Variants in TENM1 observed in about 807,000 individuals in gnomAD.
TENM1 encodes teneurin transmembrane protein 1, also known as teneurin-1.
Under a neutral mutation model 174.8 loss-of-function variants are expected in TENM1, and 35 were observed. That is an observed-to-expected ratio of 0.20 (90% confidence interval 0.15 to 0.27). The LOEUF (loss-of-function observed/expected upper bound fraction) is 0.27, where lower values mean the gene tolerates loss of function less well. Among genes scored for constraint, TENM1 ranks in the 10% least tolerant of loss-of-function variants. TENM1 has a pLI of 1.00. For missense variants in TENM1, 1,633 were observed against 2,130.1 expected, an observed-to-expected ratio of 0.77 and a Z score of 4.59; for synonymous variants, 781 against 798.7, an observed-to-expected ratio of 0.98 and a Z score of 0.37.
At chrX:124,578,015 T>A (rs2148205402) in intron 11 of TENM1, among the ~76,000 whole-genome samples, 1 of 108,269 alleles carries the variant, frequency 9.2e-6, no homozygotes, top group East Asian at 2.9e-4. Context: ...GGCGTTAACC[T>A]CTCAGGCTCA....
At chrX:124,397,235 A>G (rs760006078) in intron 27 of TENM1, among the ~76,000 whole-genome samples, 1 of 112,268 alleles carries the variant, frequency 8.9e-6, no homozygotes, top group Admixed American at 9.3e-5. Context: ...TGTTCAAGAG[A>G]AAATCCTTTC....
chrX:124,656,487 C>T (rs1203575451), intron 6 of TENM1, among the ~76,000 whole-genome samples: 2 of 112,068 alleles, frequency 1.8e-5, no homozygotes, highest in Admixed American at 9.5e-5. Context: ...TGACAACATA[C>T]GAATGAGCAC....
At chrX:124,999,049 C>CA in the TENM1 span, among the ~76,000 whole-genome samples, 1 of 110,831 alleles carries the variant, frequency 9.0e-6, no homozygotes, top group African/African-American at 3.3e-5. Context: ...CATTTGGGAA[C>CA]AAAAACATGA....
chrX:124,552,121 T>C (rs2048587185), intron 14 of TENM1, among the ~76,000 whole-genome samples: 1 of 111,948 alleles, frequency 8.9e-6, no homozygotes, highest in Non-Finnish European at 1.9e-5. Flanking sequence ...TGGACAGGGG[T>C]TGGATTTAAG....
intron 22 of TENM1, among the ~76,000 whole-genome samples, chrX:124,458,150 T>C (rs1470266516): frequency 1.8e-5 from 2 of 112,138 alleles, no homozygotes; most frequent in Non-Finnish European, 3.8e-5. Flanking sequence ...TTCATGTGCA[T>C]TCCAATTCTC....
intron 10 of TENM1, among the ~76,000 whole-genome samples, chrX:124,643,383 A>T (rs2051067366): frequency 9.0e-6 from 1 of 110,879 alleles, no homozygotes; most frequent in African/African-American, 3.3e-5. Context: ...GAAGAAAAAA[A>T]GGGTGTGTTG....
In TENM1 at chrX:124,439,819, T is replaced by C. The variant is rs142529029; in HGVS notation, c.4104+13518A>G. Among the ~76,000 whole-genome samples the C allele has an allele frequency of 4.4e-4, 49 of 111,408 alleles. No homozygotes were observed. The East Asian group carries it at 0.014, about 31-fold the overall frequency. ...ATAATAATGATAAAATAATAATCTA[T>C]TGAACGCTTATGAGCCAAACACTTT... is the stretch of plus-strand genomic sequence containing the variant. On this transcript the variant is annotated intron_variant, in intron 23 of 31. Coordinates refer to ENST00000422452, the Ensembl canonical transcript of TENM1.
rs182932102 is a variant in TENM1, at chrX:124,916,772, C to T, written c.218-20531G>A. Among the ~76,000 whole-genome samples the T allele has an allele frequency of 3.7e-5, 4 of 106,792 alleles. No homozygotes were observed. The East Asian group carries it at 1.2e-3, about 31-fold the overall frequency. 92.7% of individuals were successfully genotyped at this position (106,792 alleles called of 115,157 possible). ...CTCATTATAAAATGGCGAGTTCACC[C>T]CCTTTCTCTCTCTCTCTCTCTCTCT... On this transcript the variant is annotated intron_variant, in intron 1 of 31. Coordinates refer to ENST00000422452, the Ensembl canonical transcript of TENM1.
chrX:125,201,025 T>C, the TENM1 span, among the ~76,000 whole-genome samples: 1 of 112,255 alleles, frequency 8.9e-6, no homozygotes, highest in African/African-American at 3.2e-5. Flanking sequence ...CTTCCAAGTT[T>C]TTAAGGCTGT....
At chrX:124,804,838 G>T (rs1169288914) in intron 3 of TENM1, among the ~76,000 whole-genome samples, 1 of 111,872 alleles carries the variant, frequency 8.9e-6, no homozygotes, top group Non-Finnish European at 1.9e-5. Context: ...TATCCTCAGT[G>T]TTATAAGAGG....
In TENM1 at chrX:124,653,800, A is replaced by G. The variant is rs923710116; in HGVS notation, c.1169-17T>C. On this transcript the variant is annotated splice_polypyrimidine_tract_variant and intron_variant, in intron 6 of 31. Coordinates refer to ENST00000422452, the Ensembl canonical transcript of TENM1. Reference sequence around the variant, plus strand: ...TCTGAAACACTAGTTTTAAAGGTAGAGAAAATTACACACCATGTTAATCTT... The same window carrying G: ...TCTGAAACACTAGTTTTAAAGGTAGGGAAAATTACACACCATGTTAATCTT... 5.6e-5 allele frequency: 64 copies of G among 1,144,197 alleles called. No homozygotes were observed. Among genetic ancestry groups the G allele is most frequent in the Non-Finnish European group, 7.5e-5 (63 of 838,813 alleles). The allele number at this position is 1,144,197 out of a possible 1,213,427, so 94.3% of individuals were successfully genotyped here.
chrX:125,161,332 G>C, the TENM1 span, among the ~76,000 whole-genome samples: 1 of 111,605 alleles, frequency 9.0e-6, no homozygotes, highest in East Asian at 2.8e-4. Context: ...GTTTTATACT[G>C]TATTAGTTTT....
chrX:125,195,790 A>C, the TENM1 span, among the ~76,000 whole-genome samples: 1 of 110,977 alleles, frequency 9.0e-6, no homozygotes, highest in Admixed American at 9.6e-5. Context: ...TGAAAAAAAT[A>C]TAAATAATAA....
At chrX:124,923,998 T>C (rs1007552523) in intron 1 of TENM1, among the ~76,000 whole-genome samples, 4 of 112,526 alleles carry the variant, frequency 3.6e-5, no homozygotes, top group Non-Finnish European at 7.5e-5. Flanking sequence ...TAAGTTGTTA[T>C]AGTGGCAATA....
At chrX:124,806,552 G>A (rs1019751291) in intron 3 of TENM1, among the ~76,000 whole-genome samples, 7 of 112,056 alleles carry the variant, frequency 6.2e-5, no homozygotes, top group African/African-American at 2.3e-4. Flanking sequence ...AATCCTGAAA[G>A]CAGTAAAAGA....
intron 11 of TENM1, among the ~76,000 whole-genome samples, chrX:124,603,078 T>C (rs1335751085): frequency 1.4e-5 from 1 of 71,787 alleles, no homozygotes; most frequent in African/African-American, 5.4e-5. Context: ...TAAGGAATGC[T>C]GCCAGCCACC....
the TENM1 span, among the ~76,000 whole-genome samples, chrX:125,168,827 A>G: frequency 9.0e-6 from 1 of 111,343 alleles, no homozygotes; most frequent in African/African-American, 3.3e-5. Context: ...CCCAACCGAC[A>G]TCTTGACTGC....
intron 3 of TENM1, among the ~76,000 whole-genome samples, chrX:124,792,799 A>C (rs1387256646): frequency 8.9e-6 from 1 of 112,594 alleles, no homozygotes; most frequent in Non-Finnish European, 1.9e-5. Context: ...GAAGTTAAAA[A>C]ATAACTAGAC....
At chrX:125,074,870 C>T in the TENM1 span, among the ~76,000 whole-genome samples, 1 of 112,057 alleles carries the variant, frequency 8.9e-6, no homozygotes, top group African/African-American at 3.2e-5. Context: ...ATCATTAAAA[C>T]TCCAGTTCCT....
Sources: allele counts gnomAD v4.1 joint callset (sites outside exome capture counted in the v4.1 genomes callset), GRCh38; gene constraint gnomAD v4.1.1; transcripts MANE v1.5; gene names NCBI Gene and HGNC (gene_info 2026-07-23, HGNC 2026-07-21).